PTPN3: variants seen among roughly 807,000 people sequenced by gnomAD.
PTPN3 encodes the protein protein tyrosine phosphatase non-receptor type 3.
In PTPN3, 96 loss-of-function variants were observed where a neutral mutation model predicts 132.7. The observed-to-expected ratio is 0.72, with a 90% CI of 0.61 to 0.86. The LOEUF (loss-of-function observed/expected upper bound fraction) is 0.86, where lower values mean the gene tolerates loss of function less well. Among genes scored for constraint, PTPN3 ranks in the 40% least tolerant of loss-of-function variants. The pLI, the probability that PTPN3 is intolerant of heterozygous loss-of-function variation, is 0.00. For missense variants in PTPN3, 1,125 were observed against 1,159.6 expected (o/e 0.97, Z 0.43); for synonymous variants, 398 against 429.0 (o/e 0.93, Z 0.89).
At chr9:109,401,675 C>T (rs1056945123) in intron 19 of PTPN3, among the ~76,000 whole-genome samples, 2 of 152,152 alleles carry the variant, frequency 1.3e-5, no homozygotes, top group Non-Finnish European at 1.5e-5. Context: ...AACCAGTTCT[C>T]GCAGGGCTGA....
At chr9:109,435,288 A>G (rs1291322940) in intron 9 of PTPN3, among the ~76,000 whole-genome samples, 2 of 152,202 alleles carry the variant, frequency 1.3e-5, no homozygotes, top group African/African-American at 4.8e-5. Context: ...CTCCCCTTGC[A>G]GAGGGCAGAA....
chr9:109,454,490 T>C lies in PTPN3; in HGVS notation c.368+6A>G. On this transcript the variant is annotated splice_donor_region_variant and intron_variant, in intron 5 of 25. Coordinates refer to ENST00000374541, the MANE Select transcript of PTPN3 (RefSeq NM_002829.4). ...TAAACAGAAAACTTTAAAAAAATGT[T>C]GTTACCTGGTTTGTTCTTGCTGCAG... The C allele has an allele frequency of 6.2e-7, 1 of 1,608,940 alleles. No homozygotes were observed. Among genetic ancestry groups the C allele is most frequent in the Non-Finnish European group, 8.5e-7 (1 of 1,176,968 alleles).
chr9:109,431,006 G>T (rs555608041), intron 10 of PTPN3, among the ~76,000 whole-genome samples: 11 of 152,348 alleles, frequency 7.2e-5, no homozygotes, highest in African/African-American at 2.6e-4. Flanking sequence ...CTTATGTCCT[G>T]CCCCTCCTGG....
intron 14 of PTPN3, among the ~76,000 whole-genome samples, chr9:109,411,746 G>A (rs1842092665): frequency 6.6e-6 from 1 of 152,092 alleles, no homozygotes. Flanking sequence ...GAGTTTAAAT[G>A]AGCCTAATTT....
At chr9:109,507,406 T>C in the PTPN3 span, among the ~76,000 whole-genome samples, 4 of 152,218 alleles carry the variant, frequency 2.6e-5, no homozygotes, top group East Asian at 7.7e-4. Context: ...TGGAAACCTG[T>C]CCTGGGCCCA....
chr9:109,506,866 G>C, the PTPN3 span, among the ~76,000 whole-genome samples: 1 of 152,182 alleles, frequency 6.6e-6, no homozygotes, highest in African/African-American at 2.4e-5. Context: ...GCTTCCCAAA[G>C]TGCTGGGATT....
chr9:109,421,178 T>C (rs1327199719), intron 13 of PTPN3, among the ~76,000 whole-genome samples: 1 of 152,212 alleles, frequency 6.6e-6, no homozygotes, highest in African/African-American at 2.4e-5. Context: ...ACAGTGGCAG[T>C]AGGCATGTGA....
the PTPN3 span, among the ~76,000 whole-genome samples, chr9:109,532,595 AG>A: frequency 9.8e-3 from 1,131 of 115,976 alleles, 14 homozygotes; most frequent in African/African-American, 0.03. Context: ...AAAAAAAAAA[AG>A]AACTAAACTA....
At chr9:109,456,885 CTCCTTCCTTT>C (rs1845595066) in intron 4 of PTPN3, among the ~76,000 whole-genome samples, 1 of 152,204 alleles carries the variant, frequency 6.6e-6, no homozygotes, top group Non-Finnish European at 1.5e-5. Context: ...TAAGGCCATC[CTCCTTCCTTT>C]TCCTTCCTTG....
chr9:109,406,740 G>T, intron 17 of PTPN3, 122 bp from the exon 18 acceptor site: 1 of 1,215,842 alleles, frequency 8.2e-7, no homozygotes, highest in Non-Finnish European at 1.2e-6. Flanking sequence ...CTCTCCCTCG[G>T]GTAGTACTGT....
chr9:109,442,246 C>G (rs113902760), intron 7 of PTPN3, among the ~76,000 whole-genome samples: 1,748 of 152,210 alleles, frequency 0.011, 43 homozygotes, highest in African/African-American at 0.04. Flanking sequence ...CAGGGTTTCA[C>G]CATGTTGCCC....
Position 109,448,697 on chromosome 9 carries a change from T to G in PTPN3, c.413+114A>C, listed in dbSNP as rs530436165. 21 of 1,048,740 alleles carry G rather than the reference T, an allele frequency of 2.0e-5. No individual in the cohort carries two copies. In the East Asian group the frequency reaches 4.8e-4, roughly 24 times the overall value. The allele number at this position is 1,048,740 out of a possible 1,614,324, so 65.0% of individuals were successfully genotyped here. ...AAGCCTAATGCTGTACAGGATGCTT[T>G]GCACATCCACTCTGTTTAGATTTGA... On this transcript the variant is annotated intron_variant, in intron 6 of 25. Transcript: ENST00000374541.
At chr9:109,449,462 C>G (rs1456558306) in intron 5 of PTPN3, 1 of 985,384 alleles carries the variant, frequency 1.0e-6, no homozygotes, top group East Asian at 1.1e-4. Flanking sequence ...ATTCTGCACT[C>G]ATCTCTGGGC....
chr9:109,433,593 T>A (rs1843815815), intron 9 of PTPN3, among the ~76,000 whole-genome samples: 2 of 152,254 alleles, frequency 1.3e-5, no homozygotes, highest in South Asian at 4.1e-4. Flanking sequence ...GTAGAACTGC[T>A]GACTCTAAAT....
chr9:109,530,863 C>T, the PTPN3 span, among the ~76,000 whole-genome samples: 2 of 152,120 alleles, frequency 1.3e-5, no homozygotes, highest in Non-Finnish European at 2.9e-5. Flanking sequence ...ATTGATATAT[C>T]TTCTTTAGAG....
At chr9:109,464,723 T>C (rs1846012284) in intron 1 of PTPN3, among the ~76,000 whole-genome samples, 1 of 152,236 alleles carries the variant, frequency 6.6e-6, no homozygotes, top group African/African-American at 2.4e-5. Context: ...GGTACAGTCA[T>C]ACCATATACT....
intron 1 of PTPN3, among the ~76,000 whole-genome samples, chr9:109,475,448 A>G (rs1237847244): frequency 2.6e-5 from 4 of 152,250 alleles, no homozygotes; most frequent in Non-Finnish European, 5.9e-5. Context: ...TGTAAAGCTC[A>G]CAAAATAGAC....
chr9:109,485,806 T>C (rs1205174663), intron 1 of PTPN3, among the ~76,000 whole-genome samples: 1 of 152,140 alleles, frequency 6.6e-6, no homozygotes, highest in African/African-American at 2.4e-5. Context: ...TGTACCTCTT[T>C]AAAGGAAAAA....
chr9:109,445,068 T>C (rs1844757558), intron 7 of PTPN3, among the ~76,000 whole-genome samples, 172 bp downstream of exon 7: 1 of 152,236 alleles, frequency 6.6e-6, no homozygotes, highest in African/African-American at 2.4e-5. Context: ...ATCCCCATGC[T>C]ACAGGAGAGT....
Sources: allele counts gnomAD v4.1 joint callset (sites outside exome capture counted in the v4.1 genomes callset), GRCh38; gene constraint gnomAD v4.1.1; transcripts MANE v1.5; gene names NCBI Gene and HGNC (gene_info 2026-07-23, HGNC 2026-07-21).